The following GADL1 variants were observed in gnomAD, a reference collection of about 807,000 sequenced individuals.
The protein encoded by GADL1 is GAD like acidic amino acid decarboxylase 1.
Under a neutral mutation model 69.5 loss-of-function variants are expected in GADL1, and 71 were observed. That is an observed-to-expected ratio of 1.02 (90% confidence interval 0.84 to 1.25). GADL1 has a LOEUF of 1.25. Among genes scored for constraint, GADL1 ranks in the 50% most tolerant of loss-of-function variants. GADL1 has a pLI of 0.00. For synonymous variants in GADL1, 254 were observed against 214.4 expected, an observed-to-expected ratio of 1.18 and a Z score of -1.62; for missense variants, 737 against 631.8, an observed-to-expected ratio of 1.17 and a Z score of -1.79.
At chr3:30,889,931 C>A (rs1202683073) in intron 1 of GADL1, among the ~76,000 whole-genome samples, 1 of 152,088 alleles carries the variant, frequency 6.6e-6, no homozygotes, top group Non-Finnish European at 1.5e-5. Context: ...TTCACAATCC[C>A]ATCTACCTAG....
chr3:30,865,944 T>A (rs985804576), intron 1 of GADL1, among the ~76,000 whole-genome samples: 1 of 151,990 alleles, frequency 6.6e-6, no homozygotes, highest in African/African-American at 2.4e-5. Context: ...CAAAATTCTG[T>A]ATAGGATCAA....
intron 11 of GADL1, among the ~76,000 whole-genome samples, chr3:30,820,417 T>A (rs537687002): frequency 6.6e-6 from 1 of 152,212 alleles, no homozygotes; most frequent in Non-Finnish European, 1.5e-5. Flanking sequence ...AATGAAAAAA[T>A]GACAATTTAT....
rs1409744557 is a variant in GADL1, at chr3:30,726,779, C to A, written c.*1463G>T. ...CTTATCTTGGTGAACTCTACACCCA[C>A]ACCTATGAATTCTGTCAATTTCTTA... On this transcript the variant is annotated 3_prime_UTR_variant, in exon 15 of 15. Transcript: ENST00000282538. 2 of 152,210 alleles carry A rather than the reference C, an allele frequency of 1.3e-5. No individual in the cohort carries two copies. The highest frequency in any genetic ancestry group is 2.9e-5 in the Non-Finnish European group (2 of 68,014). The allele number at this position is 152,210 out of a possible 1,614,324, so 9.4% of individuals were successfully genotyped here. A position where few individuals can be genotyped will look rare whatever the true frequency, so the allele number is the denominator to read the frequency against.
chr3:30,736,667 T>C (rs533528573), intron 14 of GADL1, among the ~76,000 whole-genome samples: 216 of 152,310 alleles, frequency 1.4e-3, no homozygotes, highest in Admixed American at 2.7e-3. Context: ...GGCTGCAAGT[T>C]TGAAGTTTCA....
intron 13 of GADL1, 125 bp from the exon 14 acceptor site, chr3:30,778,393 A>G (rs1696587842): frequency 1.6e-6 from 1 of 637,958 alleles, no homozygotes; most frequent in Non-Finnish European, 2.8e-6. Flanking sequence ...TAACATCAGA[A>G]TCTTATAGAG....
chr3:30,770,845 GAAA>G (rs888650194), intron 14 of GADL1, among the ~76,000 whole-genome samples: 1 of 151,636 alleles, frequency 6.6e-6, no homozygotes, highest in East Asian at 1.9e-4. Flanking sequence ...CTCAAGGAAA[GAAA>G]AAAAAATTTA....
chr3:30,803,022 G>A (rs1697192535), intron 11 of GADL1, among the ~76,000 whole-genome samples: 1 of 152,172 alleles, frequency 6.6e-6, no homozygotes, highest in African/African-American at 2.4e-5. Context: ...AGCCCATGAG[G>A]TCGAAGCTGC....
At chr3:30,819,451 G>A (rs1318140231) in intron 11 of GADL1, among the ~76,000 whole-genome samples, 4 of 152,074 alleles carry the variant, frequency 2.6e-5, no homozygotes, top group African/African-American at 9.7e-5. Context: ...CACTTGGGAG[G>A]TTAAAATCAC....
At chr3:30,839,951 A>G (rs1420130333) in intron 8 of GADL1, among the ~76,000 whole-genome samples, 2 of 152,094 alleles carry the variant, frequency 1.3e-5, no homozygotes, top group African/African-American at 4.8e-5. Context: ...ATTGTTTCCA[A>G]ATGGATTGCT....
At chr3:30,806,648 C>G (rs1421014643) in intron 11 of GADL1, among the ~76,000 whole-genome samples, 2 of 152,154 alleles carry the variant, frequency 1.3e-5, no homozygotes, top group Non-Finnish European at 2.9e-5. Flanking sequence ...GGAGGAAGAA[C>G]AAGGCACAAC....
intron 1 of GADL1, among the ~76,000 whole-genome samples, chr3:30,876,467 A>G (rs892596066): frequency 6.6e-6 from 1 of 152,068 alleles, no homozygotes; most frequent in African/African-American, 2.4e-5. Flanking sequence ...AAACTGGCTC[A>G]CAACATTTCT....
At chr3:30,778,938 C>CT (rs1559497316) in intron 13 of GADL1, 1 of 152,162 alleles carries the variant, frequency 6.6e-6, no homozygotes, top group East Asian at 1.9e-4. Context: ...CTAGAAAAGG[C>CT]TAAAGAATTG....
chr3:30,850,520 C>T (rs1421098950), intron 5 of GADL1, among the ~76,000 whole-genome samples: 1 of 152,132 alleles, frequency 6.6e-6, no homozygotes, highest in Non-Finnish European at 1.5e-5. Flanking sequence ...ATTCAGAAAT[C>T]TTCTCAAGTA....
At chr3:30,816,530 CTTTTTTTTTTTTTTTTTTT>C (rs773530741) in intron 11 of GADL1, among the ~76,000 whole-genome samples, 13,851 of 53,942 alleles carry the variant, frequency 0.26, 918 homozygotes, top group Non-Finnish European at 0.38. Context: ...AATTTGTTTT[CTTTTTTTTTTTTTTTTTTT>C]TTTTTTTTTT....
At chr3:30,879,764 G>C (rs1028448215) in intron 1 of GADL1, among the ~76,000 whole-genome samples, 2 of 151,786 alleles carry the variant, frequency 1.3e-5, no homozygotes, top group African/African-American at 2.4e-5. Flanking sequence ...TAGCCTCATG[G>C]GTAGCCATTG....
At chr3:30,740,501 T>C (rs1380990779) in intron 14 of GADL1, among the ~76,000 whole-genome samples, 14 of 152,156 alleles carry the variant, frequency 9.2e-5, no homozygotes, top group Non-Finnish European at 1.3e-4. Context: ...TCAAGTTATG[T>C]TCAAGTCAAG....
intron 1 of GADL1, among the ~76,000 whole-genome samples, chr3:30,872,492 T>G (rs1460476300): frequency 6.6e-6 from 1 of 151,978 alleles, no homozygotes; most frequent in African/African-American, 2.4e-5. Flanking sequence ...TGGTAACTTC[T>G]GTGTTTTCTG....
intron 11 of GADL1, among the ~76,000 whole-genome samples, chr3:30,803,981 A>T (rs1021644702): frequency 6.6e-6 from 1 of 152,212 alleles, no homozygotes; most frequent in African/African-American, 2.4e-5. Flanking sequence ...TATTAGTAAC[A>T]TGGCTTTCAG....
chr3:30,863,197 T>C (rs1325022734), intron 1 of GADL1, among the ~76,000 whole-genome samples: 1 of 152,030 alleles, frequency 6.6e-6, no homozygotes, highest in Non-Finnish European at 1.5e-5. Flanking sequence ...TTTAATTCTA[T>C]GTTTAAATGT....
Sources: gnomAD v4.1 joint callset for allele counts (sites outside exome capture counted in the v4.1 genomes callset) on GRCh38, gnomAD v4.1.1 for gene constraint, MANE v1.5 for transcripts, NCBI Gene and HGNC (gene_info 2026-07-23, HGNC 2026-07-21) for gene names.